The following SATB2 variants were observed in gnomAD, a reference collection of about 807,000 sequenced individuals.
SATB2 encodes SATB homeobox 2, also known as DNA-binding protein SATB2.
A neutral mutation model predicts 73.4 loss-of-function variants in SATB2; 1 was observed. The ratio of observed to expected loss-of-function variants is 0.01; its 90% CI spans 0.00 to 0.06. The LOEUF (loss-of-function observed/expected upper bound fraction) is 0.06. SATB2 is among the 10% of genes least tolerant of loss of function. The pLI is 1.00. For missense variants in SATB2, 459 were observed against 945.8 expected (o/e 0.49, Z 6.75); for synonymous variants, 397 against 367.0 (o/e 1.08, Z -0.93).
intron 10 of SATB2, among the ~76,000 whole-genome samples, chr2:199,301,433 T>C (rs1390779640): frequency 1.3e-5 from 2 of 152,206 alleles, no homozygotes; most frequent in East Asian, 1.9e-4. Context: ...ATTCACAGGT[T>C]ACCTACAAGT....
At chr2:199,394,919 C>T (rs1690252877) in intron 3 of SATB2, among the ~76,000 whole-genome samples, 1 of 151,886 alleles carries the variant, frequency 6.6e-6, no homozygotes, top group Non-Finnish European at 1.5e-5. Context: ...TATATTTAGT[C>T]ACTCAGGCCA....
At chr2:199,327,402 C>T (rs1430967456) in intron 8 of SATB2, among the ~76,000 whole-genome samples, 4 of 152,176 alleles carry the variant, frequency 2.6e-5, no homozygotes, top group Non-Finnish European at 4.4e-5. Flanking sequence ...GATCACACCA[C>T]TGCACTCCAG....
At chr2:199,317,045 G>A (rs1470525684) in intron 9 of SATB2, among the ~76,000 whole-genome samples, 1 of 151,828 alleles carries the variant, frequency 6.6e-6, no homozygotes, top group African/African-American at 2.4e-5. Context: ...ATAATGGGTG[G>A]GTGGCAGGGG....
chr2:199,406,451 G>A (rs151283362), intron 3 of SATB2, among the ~76,000 whole-genome samples: 1 of 152,128 alleles, frequency 6.6e-6, no homozygotes, highest in East Asian at 1.9e-4. Flanking sequence ...ATCTAACTTT[G>A]TGAGAAAGCC....
chr2:199,294,090 T>C (rs770994931), intron 10 of SATB2, among the ~76,000 whole-genome samples: 1 of 152,194 alleles, frequency 6.6e-6, no homozygotes, highest in Non-Finnish European at 1.5e-5. Context: ...TGCCAAGATG[T>C]TTCCGACTAA....
intron 3 of SATB2, among the ~76,000 whole-genome samples, chr2:199,407,307 A>AAG (rs1215969351): frequency 8.6e-5 from 13 of 151,132 alleles, no homozygotes; most frequent in Admixed American, 2.6e-4. Flanking sequence ...AAAAAAAAAA[A>AAG]AGAGAGAGAA....
At chr2:199,287,566 G>T (rs1442323744) in intron 10 of SATB2, among the ~76,000 whole-genome samples, 2 of 149,978 alleles carry the variant, frequency 1.3e-5, no homozygotes, top group Non-Finnish European at 3.0e-5. Flanking sequence ...TAGAAACAAG[G>T]ATAATATGGA....
At chr2:199,299,853 A>G (rs188891278) in intron 10 of SATB2, among the ~76,000 whole-genome samples, 1 of 152,294 alleles carries the variant, frequency 6.6e-6, no homozygotes, top group East Asian at 1.9e-4. Context: ...ATACAAGTAT[A>G]AAGGAATGTG....
In SATB2 at chr2:199,289,885, C is replaced by T. The variant is rs201052087; in HGVS notation, c.1741-17213G>A. Reference sequence around the variant, plus strand: ...AATTTTCCCTTCTCCAGGTGTACTCCCATTGCTGTAATTCAGACTCTTATA... The same window carrying T: ...AATTTTCCCTTCTCCAGGTGTACTCTCATTGCTGTAATTCAGACTCTTATA... On this transcript the variant is annotated intron_variant, in intron 10 of 10. Transcript: ENST00000417098. Among the ~76,000 whole-genome samples, 9 of 152,138 alleles carry T rather than the reference C, an allele frequency of 5.9e-5. 1 individual carries two copies. The East Asian group carries it at 1.7e-3, about 29-fold the overall frequency.
At chr2:199,324,946 T>A (rs1216752224) in intron 8 of SATB2, among the ~76,000 whole-genome samples, 13 of 152,172 alleles carry the variant, frequency 8.5e-5, no homozygotes, top group African/African-American at 3.1e-4. Flanking sequence ...AACAGAGTTA[T>A]CTCCAAATCA....
chr2:199,312,547 G>A lies in SATB2; in HGVS notation c.1543-3590C>T, dbSNP rs76923583. On this transcript the variant is annotated intron_variant, in intron 9 of 10. Coordinates refer to ENST00000417098, the MANE Select transcript of SATB2 (RefSeq NM_001172509.2). ...TCATTAAATAACGGGGTGACCTTTG[G>A]GCAAATAGTTACACTGTTCAAGCTC... is the stretch of plus-strand genomic sequence containing the variant. 7.6e-3 allele frequency among the ~76,000 whole-genome samples: 1,156 copies of A among 152,166 alleles called. 13 individuals carry two copies. Among genetic ancestry groups the A allele is most frequent in the African/African-American group, 0.026 (1,085 of 41,528 alleles).
chr2:199,439,090 TG>T (rs1298688402), intron 2 of SATB2, among the ~76,000 whole-genome samples: 1 of 152,262 alleles, frequency 6.6e-6, no homozygotes, highest in East Asian at 1.9e-4. Context: ...ACCTTTTGTC[TG>T]CCTACCAGGT....
intron 10 of SATB2, among the ~76,000 whole-genome samples, chr2:199,291,559 A>G (rs112965970): frequency 3.3e-5 from 5 of 152,160 alleles, no homozygotes; most frequent in African/African-American, 1.2e-4. Context: ...CAGGGTCTCT[A>G]TTGGAATTAT....
chr2:199,424,256 C>T (rs777294495), intron 3 of SATB2, among the ~76,000 whole-genome samples: 7 of 152,170 alleles, frequency 4.6e-5, no homozygotes, highest in Non-Finnish European at 7.3e-5. Flanking sequence ...TTTCAAAGTG[C>T]TGGGTTTTAA....
intron 6 of SATB2, among the ~76,000 whole-genome samples, chr2:199,361,918 T>C (rs1218142815): frequency 6.6e-6 from 1 of 151,870 alleles, no homozygotes; most frequent in Non-Finnish European, 1.5e-5. Flanking sequence ...TTTGTGTTTT[T>C]AGTAAAGATG....
chr2:199,350,679 G>T (rs896722134), intron 6 of SATB2, among the ~76,000 whole-genome samples: 10 of 152,010 alleles, frequency 6.6e-5, no homozygotes, highest in African/African-American at 2.4e-4. Flanking sequence ...CACCCGTCTT[G>T]GTATCACCTT....
At chr2:199,325,612 C>T (rs752558674) in intron 8 of SATB2, 1 of 152,180 alleles carries the variant, frequency 6.6e-6, no homozygotes, top group Non-Finnish European at 1.5e-5. Flanking sequence ...TTTAGCATAG[C>T]ATGTCTGCCC....
chr2:199,370,474 T>C (rs1368881449), intron 5 of SATB2, among the ~76,000 whole-genome samples: 1 of 152,204 alleles, frequency 6.6e-6, no homozygotes, highest in Non-Finnish European at 1.5e-5. Context: ...ATCTTATTTG[T>C]ATGAATTTAT....
intron 2 of SATB2, among the ~76,000 whole-genome samples, chr2:199,449,400 C>A (rs1029171075): frequency 2.4e-4 from 37 of 152,080 alleles, no homozygotes; most frequent in Admixed American, 1.9e-3. Flanking sequence ...CAAAATAATT[C>A]TGTTAATTGA....
Sources: gnomAD v4.1 joint callset for allele counts (sites outside exome capture counted in the v4.1 genomes callset) on GRCh38, gnomAD v4.1.1 for gene constraint, MANE v1.5 for transcripts, NCBI Gene and HGNC (gene_info 2026-07-23, HGNC 2026-07-21) for gene names.